CCDC73: variants seen among roughly 807,000 people sequenced by gnomAD.
CCDC73 encodes the protein coiled-coil domain-containing protein 73.
CCDC73 carries 95 observed loss-of-function variants against 116.5 expected under a neutral mutation model. The ratio of observed to expected loss-of-function variants is 0.82; its 90% CI spans 0.69 to 0.97. CCDC73 has a LOEUF of 0.97. CCDC73 is among the 50% of genes least tolerant of loss of function. CCDC73 has a pLI of 0.00. For synonymous variants in CCDC73, 398 were observed against 401.3 expected, an observed-to-expected ratio of 0.99 and a Z score of 0.10; for missense variants, 1,066 against 1,206.8, an observed-to-expected ratio of 0.88 and a Z score of 1.73.
chr11:32,721,581 T>G (rs1849989875), intron 2 of CCDC73, among the ~76,000 whole-genome samples: 1 of 151,984 alleles, frequency 6.6e-6, no homozygotes. Flanking sequence ...AAATGAAATA[T>G]TTTTCTATGA....
chr11:32,673,735 T>G (rs1339628130), intron 9 of CCDC73, among the ~76,000 whole-genome samples: 2 of 152,182 alleles, frequency 1.3e-5, no homozygotes, highest in African/African-American at 4.8e-5. Context: ...CGGAAACAGA[T>G]GGCAAACATC....
At chr11:32,763,777 G>A (rs1002222901) in intron 1 of CCDC73, among the ~76,000 whole-genome samples, 3 of 152,338 alleles carry the variant, frequency 2.0e-5, no homozygotes, top group African/African-American at 7.2e-5. Flanking sequence ...TGACTTTGAC[G>A]ATTTGAGAGA....
the CCDC73 span, among the ~76,000 whole-genome samples, chr11:32,828,585 A>G: frequency 6.6e-6 from 1 of 152,066 alleles, no homozygotes; most frequent in East Asian, 1.9e-4. Context: ...CACTTCGACC[A>G]AAGCATAAAT....
At chr11:32,763,842 T>A (rs993240413) in intron 1 of CCDC73, among the ~76,000 whole-genome samples, 1 of 151,998 alleles carries the variant, frequency 6.6e-6, no homozygotes, top group African/African-American at 2.4e-5. Context: ...TTCAAACCCA[T>A]CACAAAGAAG....
intron 17 of CCDC73, among the ~76,000 whole-genome samples, chr11:32,608,733 G>T (rs374922919): frequency 1.3e-5 from 2 of 152,108 alleles, no homozygotes; most frequent in African/African-American, 4.8e-5. Flanking sequence ...TGAGAGTCCC[G>T]CCCCTGCAGC....
intron 17 of CCDC73, among the ~76,000 whole-genome samples, chr11:32,608,661 ACTCTATATGGGGG>A (rs1275338562): frequency 6.6e-6 from 1 of 151,824 alleles, no homozygotes; most frequent in Non-Finnish European, 1.5e-5. Flanking sequence ...CCCAGTAGGG[ACTCTATATGGGGG>A]CTCTGACCCC....
intron 1 of CCDC73, among the ~76,000 whole-genome samples, chr11:32,779,260 G>A (rs1850561826): frequency 8.2e-6 from 1 of 121,960 alleles, no homozygotes; most frequent in Non-Finnish European, 1.7e-5. Flanking sequence ...CCTTCATGTG[G>A]GGCAAAAAAA....
chr11:32,619,768 AAGG>A (rs1855506549), intron 14 of CCDC73, among the ~76,000 whole-genome samples: 1 of 151,202 alleles, frequency 6.6e-6, no homozygotes, highest in Non-Finnish European at 1.5e-5. Context: ...GGAGATGAAG[AAGG>A]AGCAGAAGAA....
chr11:32,695,774 TAAAA>T (rs59419534), intron 6 of CCDC73, among the ~76,000 whole-genome samples: 1 of 129,500 alleles, frequency 7.7e-6, no homozygotes. Context: ...AGTTTGGTTG[TAAAA>T]AAAAAAAAAA....
intron 14 of CCDC73, among the ~76,000 whole-genome samples, chr11:32,619,704 G>A (rs968207739): frequency 2.0e-5 from 3 of 151,430 alleles, no homozygotes; most frequent in African/African-American, 7.3e-5. Flanking sequence ...GAAAGGAGGA[G>A]AATGAGGAAG....
chr11:32,738,307 T>C (rs1025883651), intron 2 of CCDC73, among the ~76,000 whole-genome samples: 1 of 152,212 alleles, frequency 6.6e-6, no homozygotes, highest in Non-Finnish European at 1.5e-5. Flanking sequence ...TATACTAATT[T>C]ACATTTCCAC....
chr11:32,655,092 TTGCA>T (rs147163560), intron 9 of CCDC73, 120 bp from the exon 10 acceptor site: 13 of 639,036 alleles, frequency 2.0e-5, no homozygotes, highest in South Asian at 1.0e-4. Flanking sequence ...TATAATTCCC[TTGCA>T]AGTTCCCTTG....
At chr11:32,771,672 T>G (rs893534468) in intron 1 of CCDC73, among the ~76,000 whole-genome samples, 4 of 152,194 alleles carry the variant, frequency 2.6e-5, no homozygotes, top group Non-Finnish European at 4.4e-5. Context: ...AGCCCAATAC[T>G]GTTTGGGGTT....
chr11:32,809,566 AAC>A, the CCDC73 span, among the ~76,000 whole-genome samples: 2 of 152,324 alleles, frequency 1.3e-5, no homozygotes, highest in South Asian at 4.1e-4. Flanking sequence ...CCCTTGCTGC[AAC>A]AAGCCAGGGA....
chr11:32,774,394 G>A (rs1850514884), intron 1 of CCDC73, among the ~76,000 whole-genome samples: 1 of 152,014 alleles, frequency 6.6e-6, no homozygotes, highest in Admixed American at 6.6e-5. Context: ...TTGTCTCTGT[G>A]AGTTAAAACC....
intron 6 of CCDC73, among the ~76,000 whole-genome samples, chr11:32,693,256 G>A (rs918493124): frequency 6.6e-6 from 1 of 152,156 alleles, no homozygotes; most frequent in Admixed American, 6.5e-5. Flanking sequence ...AGGGAGGGAA[G>A]TTGCTACACG....
chr11:32,633,628 C>G (rs898207873), intron 14 of CCDC73, among the ~76,000 whole-genome samples: 1 of 152,122 alleles, frequency 6.6e-6, no homozygotes, highest in African/African-American at 2.4e-5. Flanking sequence ...CTAATAGAGT[C>G]ACATAAGACA....
intron 9 of CCDC73, among the ~76,000 whole-genome samples, chr11:32,660,242 A>AC (rs1855910221): frequency 6.6e-6 from 1 of 150,412 alleles, no homozygotes; most frequent in South Asian, 2.1e-4. Flanking sequence ...AAAAAAAAAA[A>AC]AAAAAAAAAA....
At chr11:32,826,250 G>A in the CCDC73 span, among the ~76,000 whole-genome samples, 1 of 152,128 alleles carries the variant, frequency 6.6e-6, no homozygotes, top group African/African-American at 2.4e-5. Context: ...ACTATACTGA[G>A]ATAAACTAAA....
Sources: gnomAD v4.1 joint callset for allele counts (sites outside exome capture counted in the v4.1 genomes callset) on GRCh38, gnomAD v4.1.1 for gene constraint, MANE v1.5 for transcripts, NCBI Gene and HGNC (gene_info 2026-07-23, HGNC 2026-07-21) for gene names.